SGSM2: variants seen among roughly 807,000 people sequenced by gnomAD.
SGSM2 encodes small G protein signaling modulator 2.
In SGSM2, 89 loss-of-function variants were observed where a neutral mutation model predicts 126.6. That is an observed-to-expected ratio of 0.70 (90% CI 0.59 to 0.84). SGSM2 has a LOEUF of 0.84. Among genes scored for constraint, SGSM2 ranks in the 40% least tolerant of loss-of-function variants. The pLI, the probability that SGSM2 is intolerant of heterozygous loss-of-function variation, is 0.00. For missense variants in SGSM2, 1,404 were observed against 1,416.6 expected (o/e 0.99, Z 0.14); for synonymous variants, 614 against 574.3 (o/e 1.07, Z -0.99).
intron 2 of SGSM2, among the ~76,000 whole-genome samples, chr17:2,359,341 G>A (rs2065217669): frequency 6.6e-6 from 1 of 152,150 alleles, no homozygotes; most frequent in African/African-American, 2.4e-5. Flanking sequence ...TGTGGGCATG[G>A]CATAGGACAA....
rs770673308 is a variant in SGSM2, at chr17:2,375,579, G to A, written c.2188G>A (p.Gly730Arg). 66 of 1,613,840 alleles carry A rather than the reference G, an allele frequency of 4.1e-5. 1 individual carries two copies. Among genetic ancestry groups the A allele is most frequent in the South Asian group, 3.0e-4 (27 of 91,090 alleles). The change falls in exon 18 of 24, where the codon GGG (glycine) becomes AGG (arginine). Residue 730 changes from glycine to arginine, a missense_variant. Transcript: ENST00000268989. ...AAAACCTGAGCAGGAAGCAGGACCC[G>A]GGACTCCGGGCACCGCCGTGGTGGA... ...RPKPEQEAGP[G>R]TPGTAVVEQQ...
At chr17:2,361,492 T>G in intron 2 of SGSM2, 145 bp from the exon 3 acceptor site, 5 of 988,878 alleles carry the variant, frequency 5.1e-6, no homozygotes, top group Non-Finnish European at 7.4e-6. Flanking sequence ...GGGAGGGGAA[T>G]TTTGGAAGGA....
Position 2,373,464 on chromosome 17 carries a change from A to T in SGSM2, c.2051A>T (p.Asp684Val). 1 of 1,608,688 alleles carries T rather than the reference A, an allele frequency of 6.2e-7. No homozygotes were observed. Among genetic ancestry groups the T allele is most frequent in the South Asian group, 1.1e-5 (1 of 91,040 alleles). Residue 684 changes from aspartate to valine, a missense_variant, in exon 17 of 24, where the codon GAC (aspartate) becomes GTC (valine). Transcript: ENST00000268989. ...AAGTTCTCCTCAGGCAGCAGCATCG[A>T]CAGCCACGTGCAGCGCCTCATCCAC... is the stretch of plus-strand genomic sequence containing the variant. ...RTKFSSGSSI[D>V]SHVQRLIHRD...
At chr17:2,377,999 A>C (rs921628142) in intron 22 of SGSM2, 46 bp downstream of exon 22, 23 of 1,207,310 alleles carry the variant, frequency 1.9e-5, no homozygotes, top group Non-Finnish European at 2.5e-5. Context: ...GGACAGTGAG[A>C]GATCCCTCTT....
In SGSM2 at chr17:2,363,866, A is replaced by T; in HGVS notation, c.808-193A>T. On this transcript the variant is annotated intron_variant, in intron 7 of 23. Coordinates refer to ENST00000268989, the MANE Select transcript of SGSM2 (RefSeq NM_014853.3). This position sits in a 1 kb window ranked among gnomAD's most constrained non-coding sequence, Gnocchi z 4.2. Reference sequence around the variant, plus strand: ...CTGGCATCCAGGAGGCTGGCAGGAGAGAGTCAGTGGCACCAGGCTGACCAG... The same window carrying T: ...CTGGCATCCAGGAGGCTGGCAGGAGTGAGTCAGTGGCACCAGGCTGACCAG... The T allele has an allele frequency of 1.3e-6, 1 of 784,376 alleles. No homozygotes were observed. The highest frequency in any genetic ancestry group is 2.0e-6 in the Non-Finnish European group (1 of 499,236). 48.6% of individuals were successfully genotyped at this position (784,376 alleles called of 1,614,324 possible). A position where few individuals can be genotyped will look rare whatever the true frequency, so the allele number is the denominator to read the frequency against.
At chr17:2,375,352 C>G (rs925275225) in intron 17 of SGSM2, 140 bp from the exon 18 acceptor site, 1 of 1,124,860 alleles carries the variant, frequency 8.9e-7, no homozygotes, top group Non-Finnish European at 1.2e-6. Context: ...CTTGGTGCCC[C>G]GTGGCCACAG....
At position 2,367,025 on chromosome 17, in the gene SGSM2, T is replaced by C. The variant is rs1295911101; in HGVS notation, c.1289-246T>C. On this transcript the variant is annotated intron_variant, in intron 11 of 23. Transcript: ENST00000268989. The surrounding 1 kb of genome is among the most constrained non-coding windows in gnomAD (Gnocchi z 4.0). ...ATCCTCCCACCTCTGTTCTCTCTCT[T>C]CTGTTCTTCCTAGAGAGGCTGCCTC... is the stretch of plus-strand genomic sequence containing the variant. 6.0e-6 allele frequency: 3 copies of C among 496,596 alleles called. No homozygotes were observed. The highest frequency in any genetic ancestry group is 7.3e-6 in the Non-Finnish European group (2 of 274,448). The allele number at this position is 496,596 out of a possible 1,614,324, so 30.8% of individuals were successfully genotyped here.
chr17:2,352,829 G>T (rs2064920301), intron 2 of SGSM2, among the ~76,000 whole-genome samples: 1 of 117,448 alleles, frequency 8.5e-6, no homozygotes, highest in African/African-American at 3.4e-5. Context: ...CCAGGCTGGA[G>T]TGCAGTGGCG....
At chr17:2,347,670 T>G (rs2064662628) in intron 2 of SGSM2, among the ~76,000 whole-genome samples, 1 of 151,748 alleles carries the variant, frequency 6.6e-6, no homozygotes, top group African/African-American at 2.4e-5. Context: ...AGATGAGGTC[T>G]TGCTATGTTG....
intron 12 of SGSM2, among the ~76,000 whole-genome samples, chr17:2,368,905 C>T (rs1457828366): frequency 6.6e-6 from 1 of 152,184 alleles, no homozygotes; most frequent in Non-Finnish European, 1.5e-5. Flanking sequence ...AGGGTCCTAG[C>T]AGAGCCCTTG....
chr17:2,363,474 C>T lies in SGSM2; in HGVS notation c.682C>T (p.Arg228Trp), dbSNP rs565611583. 1.9e-5 allele frequency: 30 copies of T among 1,613,312 alleles called. No homozygotes were observed. Among genetic ancestry groups the T allele is most frequent in the South Asian group, 9.9e-5 (9 of 91,078 alleles). The change falls in exon 7 of 24, where the codon CGG becomes TGG. Residue 228 changes from arginine (R) to tryptophan (W), a missense_variant. Arg to Trp is a moderately radical substitution (Grantham distance 101). Coordinates refer to ENST00000268989, the MANE Select transcript of SGSM2 (RefSeq NM_014853.3). This position sits in a 1 kb window ranked among gnomAD's most constrained non-coding sequence, Gnocchi z 4.2. ...AKRPALGIRK[R>W]HSSGSASEDR... The stretch of plus-strand genomic sequence containing the variant: ...CCGGCCTTCCACACAGATCCGGAAA[C>T]GGCACTCAAGCGGCAGCGCGTCGGA...
intron 2 of SGSM2, among the ~76,000 whole-genome samples, chr17:2,358,611 C>G (rs967358227): frequency 1.3e-5 from 2 of 152,068 alleles, no homozygotes; most frequent in Admixed American, 1.3e-4. Flanking sequence ...GCTTGAGAGG[C>G]TGAGGTGGGA....
chr17:2,337,766 C>A lies in SGSM2; in HGVS notation c.57+21C>A. 1 of 1,509,420 alleles carries A rather than the reference C, an allele frequency of 6.6e-7. No individual in the cohort carries two copies. The highest frequency in any genetic ancestry group is 8.9e-7 in the Non-Finnish European group (1 of 1,123,294). 93.5% of individuals were successfully genotyped at this position (1,509,420 alleles called of 1,614,324 possible). ...AGGAGGTAAAGTCGAGTCAAGAACC[C>A]CGGGGGGCTCGCGCCCTGGCCCGCG... On this transcript the variant is annotated intron_variant, in intron 1 of 23. Transcript: ENST00000268989. The surrounding 1 kb of genome is among the most constrained non-coding windows in gnomAD (Gnocchi z 5.1).
chr17:2,354,215 T>G (rs200785379), intron 2 of SGSM2, among the ~76,000 whole-genome samples: 1 of 151,570 alleles, frequency 6.6e-6, no homozygotes, highest in Admixed American at 6.6e-5. Context: ...CCTAGAGTTT[T>G]TTTGTTTGTT....
rs576035682 is a variant in SGSM2, at chr17:2,372,269, C to T, written c.1642+15C>T. ...CTTCTACGGCTGTGAGTGTGGGGCG[C>T]GCCGGGCTGTGGCGGGCTGGGGGCG... is the stretch of plus-strand genomic sequence containing the variant. On this transcript the variant is annotated intron_variant, in intron 14 of 23. Coordinates refer to ENST00000268989, the MANE Select transcript of SGSM2 (RefSeq NM_014853.3). The surrounding 1 kb of genome is among the most constrained non-coding windows in gnomAD (Gnocchi z 6.0). The T allele has an allele frequency of 2.5e-5, 40 of 1,612,580 alleles. No homozygotes were observed. The highest frequency in any genetic ancestry group is 1.7e-4 in the Middle Eastern group (1 of 6,056).
rs919072092 is a variant in SGSM2, at chr17:2,363,095, T to A, written c.633T>A (p.Pro211=). The change falls in exon 6 of 24, where the codon CCT becomes CCA. Residue 211 remains proline, a synonymous_variant. Transcript: ENST00000268989. The surrounding 1 kb of genome is among the most constrained non-coding windows in gnomAD (Gnocchi z 4.2). ...AGCGGCACCGCATCCGGGGTCCACCTACTCGCCAGGACTCCCCTGCAAAGC... is the reference window on the plus strand; with the variant it reads ...AGCGGCACCGCATCCGGGGTCCACCAACTCGCCAGGACTCCCCTGCAAAGC... ...LVQRHRIRGP[P]TRQDSPAKRP... The A allele has an allele frequency of 3.7e-6, 6 of 1,612,350 alleles. No individual in the cohort carries two copies. Among genetic ancestry groups the A allele is most frequent in the Admixed American group, 1.7e-5 (1 of 59,860 alleles).
chr17:2,349,073 T>A (rs1429800302), intron 2 of SGSM2, among the ~76,000 whole-genome samples: 1 of 151,206 alleles, frequency 6.6e-6, no homozygotes, highest in Non-Finnish European at 1.5e-5. Context: ...CACATCTGCT[T>A]TGTTTTTGAA....
intron 23 of SGSM2, 71 bp from the exon 24 acceptor site, chr17:2,379,361 G>T: frequency 6.4e-7 from 1 of 1,572,604 alleles, no homozygotes; most frequent in South Asian, 1.1e-5. Context: ...AACAGAGCAG[G>T]GTAGTCAGCC....
At chr17:2,349,098 G>A (rs2064733540) in intron 2 of SGSM2, among the ~76,000 whole-genome samples, 1 of 151,656 alleles carries the variant, frequency 6.6e-6, no homozygotes, top group Admixed American at 6.6e-5. Flanking sequence ...AGCATAGGCC[G>A]GGCACAGTGG....
Sources: allele counts gnomAD v4.1 joint callset (sites outside exome capture counted in the v4.1 genomes callset), GRCh38; gene constraint gnomAD v4.1.1; non-coding constraint Gnocchi (gnomAD v3.1); transcripts MANE v1.5; gene names NCBI Gene and HGNC (gene_info 2026-07-23, HGNC 2026-07-21).